BMP6: variants seen among roughly 807,000 people sequenced by gnomAD.
The protein encoded by BMP6 is VG-1-R.
Under a neutral mutation model 54.1 loss-of-function variants are expected in BMP6, and 17 were observed. That is an observed-to-expected ratio of 0.31 (90% CI 0.22 to 0.47). BMP6 has a LOEUF of 0.47. BMP6 is among the 20% of genes least tolerant of loss of function. BMP6 has a pLI of 1.00. For synonymous variants in BMP6, 328 were observed against 291.2 expected (o/e 1.13, Z -1.28); for missense variants, 720 against 690.4 (o/e 1.04, Z -0.48).
At chr6:7,847,263 C>T (rs187570798) in intron 2 of BMP6, among the ~76,000 whole-genome samples, 1 of 152,276 alleles carries the variant, frequency 6.6e-6, no homozygotes, top group East Asian at 1.9e-4. Flanking sequence ...GCATGTGTTT[C>T]GTTGTTGTGC....
chr6:7,732,420 CCTT>C lies in BMP6; in HGVS notation c.664+4804_664+4806del, dbSNP rs567229199. On this transcript the variant is annotated intron_variant, in intron 1 of 6. Coordinates refer to ENST00000283147, the MANE Select transcript of BMP6 (RefSeq NM_001718.6). ...CTCAGATGGTGTTTCCTCTGGGTGT[CCTT>C]CTAAGAATGGGTATAAATCCTTTTT... Among the ~76,000 whole-genome samples, 281 of 152,298 alleles carry C rather than the reference CCTT, an allele frequency of 1.8e-3. 1 individual carries two copies. Among genetic ancestry groups the C allele is most frequent in the Middle Eastern group, 3.4e-3 (1 of 294 alleles).
chr6:7,867,755 T>C (rs1469274214), intron 4 of BMP6, among the ~76,000 whole-genome samples: 1 of 152,294 alleles, frequency 6.6e-6, no homozygotes, highest in Non-Finnish European at 1.5e-5. Flanking sequence ...AGGACAGTCA[T>C]GGCAAATAGT....
At chr6:7,862,569 A>T in intron 4 of BMP6, 71 bp downstream of exon 4, 1 of 1,576,714 alleles carries the variant, frequency 6.3e-7, no homozygotes, top group Non-Finnish European at 8.7e-7. Flanking sequence ...TTGTGTCCAC[A>T]GTCTCAGATG....
At position 7,824,399 on chromosome 6, in the gene BMP6, T is replaced by C. The variant is rs115383472; in HGVS notation, c.665-20741T>C. 3.0e-3 allele frequency among the ~76,000 whole-genome samples: 461 copies of C among 152,332 alleles called. 2 individuals carry two copies. The highest frequency in any genetic ancestry group is 0.01 in the African/African-American group (424 of 41,568). On this transcript the variant is annotated intron_variant, in intron 1 of 6. Coordinates refer to ENST00000283147, the MANE Select transcript of BMP6 (RefSeq NM_001718.6). ...TTGTGAGTCCTCTAAGAAGGGACTC[T>C]GTCTCTGTCAACCCACCTTTGACCA... is the stretch of plus-strand genomic sequence containing the variant.
At chr6:7,822,140 C>G (rs1355540269) in intron 1 of BMP6, among the ~76,000 whole-genome samples, 1 of 152,110 alleles carries the variant, frequency 6.6e-6, no homozygotes, top group African/African-American at 2.4e-5. Context: ...CCTGCCTCAG[C>G]CTCCCGAGTA....
chr6:7,837,203 TTTTTA>T (rs1409987937), intron 1 of BMP6, among the ~76,000 whole-genome samples: 3 of 152,224 alleles, frequency 2.0e-5, no homozygotes, highest in East Asian at 1.9e-4. Context: ...GTTGTTCCCC[TTTTTA>T]TTTTATCTTT....
At chr6:7,849,699 C>T (rs1038291941) in intron 2 of BMP6, among the ~76,000 whole-genome samples, 1 of 152,226 alleles carries the variant, frequency 6.6e-6, no homozygotes, top group African/African-American at 2.4e-5. Flanking sequence ...CAAAGAGCAT[C>T]TCTTGAAAGC....
At chr6:7,789,723 C>T (rs1758067607) in intron 1 of BMP6, among the ~76,000 whole-genome samples, 1 of 152,038 alleles carries the variant, frequency 6.6e-6, no homozygotes. Context: ...AATTATTTCC[C>T]AGCTTATGGG....
chr6:7,757,909 C>T (rs988843192), intron 1 of BMP6, among the ~76,000 whole-genome samples: 1 of 152,184 alleles, frequency 6.6e-6, no homozygotes, highest in African/African-American at 2.4e-5. Flanking sequence ...CCCTTCGTAG[C>T]TTCAGTCATA....
At chr6:7,807,106 G>T (rs541859482) in intron 1 of BMP6, among the ~76,000 whole-genome samples, 2 of 152,252 alleles carry the variant, frequency 1.3e-5, no homozygotes, top group South Asian at 2.1e-4. Flanking sequence ...GAAACAGAGG[G>T]TCATTCTCTT....
intron 1 of BMP6, among the ~76,000 whole-genome samples, chr6:7,742,991 T>G (rs771217264): frequency 6.6e-6 from 1 of 152,132 alleles, no homozygotes; most frequent in Non-Finnish European, 1.5e-5. Context: ...CAGGATATAG[T>G]GTAGTCTTAG....
At chr6:7,771,059 G>GT (rs1757777921) in intron 1 of BMP6, among the ~76,000 whole-genome samples, 2 of 152,170 alleles carry the variant, frequency 1.3e-5, no homozygotes, top group Admixed American at 1.3e-4. Context: ...TAGAATCTGT[G>GT]TTTTTGCTTG....
chr6:7,811,092 C>T (rs527539043), intron 1 of BMP6, among the ~76,000 whole-genome samples: 22 of 152,282 alleles, frequency 1.4e-4, no homozygotes, highest in African/African-American at 4.6e-4. Context: ...TGCTTTGGGA[C>T]GAATCAGTCC....
At chr6:7,805,802 C>G (rs1243572312) in intron 1 of BMP6, among the ~76,000 whole-genome samples, 1 of 152,198 alleles carries the variant, frequency 6.6e-6, no homozygotes, top group East Asian at 1.9e-4. Flanking sequence ...ATAAAATACT[C>G]TAGCACAGAA....
rs191363167 is a variant in BMP6 at position 7,860,339 on chromosome 6, T to C, written c.858-1112T>C. 3.2e-3 allele frequency among the ~76,000 whole-genome samples: 482 copies of C among 152,346 alleles called. 3 individuals are homozygous for C. Among genetic ancestry groups the C allele is most frequent in the Non-Finnish European group, 2.1e-3 (144 of 68,034 alleles). ...CTCTGTAAGATATTGCAGCAAAATATTTCCAATACCAGGAGCTTTGAGTCT... is the reference window on the plus strand; with the variant it reads ...CTCTGTAAGATATTGCAGCAAAATACTTCCAATACCAGGAGCTTTGAGTCT... On this transcript the variant is annotated intron_variant, in intron 2 of 6. Transcript: ENST00000283147.
Position 7,757,017 on chromosome 6 carries a change from T to C in BMP6, c.664+29398T>C, listed in dbSNP as rs1319525066. On this transcript the variant is annotated intron_variant, in intron 1 of 6. Coordinates refer to ENST00000283147, the MANE Select transcript of BMP6 (RefSeq NM_001718.6). ...CTGTAGATCTTTGGAGCGCTCTCTC[T>C]ATGTAGCACTCTCTTTTCCAGTATT... Among the ~76,000 whole-genome samples, 4 of 152,302 alleles carry C rather than the reference T, an allele frequency of 2.6e-5. No homozygotes were observed. The East Asian group carries it at 7.7e-4, about 29-fold the overall frequency.
chr6:7,877,382 G>T (rs899272632), intron 4 of BMP6, among the ~76,000 whole-genome samples: 1 of 152,194 alleles, frequency 6.6e-6, no homozygotes, highest in East Asian at 1.9e-4. Flanking sequence ...AGCACTCTGG[G>T]AGGCTGAGAT....
intron 1 of BMP6, among the ~76,000 whole-genome samples, chr6:7,793,284 T>C (rs1440670191): frequency 1.3e-5 from 2 of 152,150 alleles, no homozygotes; most frequent in Non-Finnish European, 2.9e-5. Flanking sequence ...AAAGGTTACA[T>C]ACTATATAGT....
chr6:7,876,845 CCTT>C (rs1245797348), intron 4 of BMP6, among the ~76,000 whole-genome samples: 2 of 151,274 alleles, frequency 1.3e-5, no homozygotes, highest in Non-Finnish European at 3.0e-5. Context: ...GGTTTCTAGT[CCTT>C]CTTTTCTTCC....
Sources: gnomAD v4.1 joint callset for allele counts (sites outside exome capture counted in the v4.1 genomes callset) on GRCh38, gnomAD v4.1.1 for gene constraint, MANE v1.5 for transcripts, NCBI Gene and HGNC (gene_info 2026-07-23, HGNC 2026-07-21) for gene names.